The following CNTNAP2 variants were observed in gnomAD, a reference collection of about 807,000 sequenced individuals.
CNTNAP2 encodes contactin associated protein 2, also known as contactin-associated protein-like 2.
Under a neutral mutation model 155.2 loss-of-function variants are expected in CNTNAP2, and 98 were observed. That is an observed-to-expected ratio of 0.63 (90% CI 0.54 to 0.75). CNTNAP2 has a LOEUF of 0.75. Ranked by LOEUF, CNTNAP2 falls within the 30% of genes least tolerant of loss-of-function variation. CNTNAP2 has a pLI of 0.00. For synonymous variants in CNTNAP2, 651 were observed against 631.2 expected, an observed-to-expected ratio of 1.03 and a Z score of -0.47; for missense variants, 1,727 against 1,688.1, an observed-to-expected ratio of 1.02 and a Z score of -0.40.
chr7:147,405,299 C>T (rs1431834437), intron 10 of CNTNAP2, among the ~76,000 whole-genome samples: 2 of 152,116 alleles, frequency 1.3e-5, no homozygotes, highest in Non-Finnish European at 2.9e-5. Context: ...GATTTTAAAA[C>T]ATTTAAAATA....
At chr7:146,623,273 CT>C (rs1799363814) in intron 1 of CNTNAP2, among the ~76,000 whole-genome samples, 1 of 152,142 alleles carries the variant, frequency 6.6e-6, no homozygotes, top group Non-Finnish European at 1.5e-5. Context: ...GTGATCCTGA[CT>C]TCCTGCATAC....
At chr7:147,841,593 T>C (rs554101022) in intron 13 of CNTNAP2, among the ~76,000 whole-genome samples, 3 of 152,298 alleles carry the variant, frequency 2.0e-5, no homozygotes, top group African/African-American at 7.2e-5. Context: ...GTTATTCACA[T>C]TTCTAGCTCA....
intron 8 of CNTNAP2, among the ~76,000 whole-genome samples, chr7:147,175,894 T>A (rs138627911): frequency 2.4e-3 from 369 of 152,284 alleles, no homozygotes; most frequent in Non-Finnish European, 4.5e-3. Context: ...TTTATCAAAC[T>A]TCCCCCCTCT....
chr7:146,792,753 A>G (rs1541512), intron 2 of CNTNAP2, among the ~76,000 whole-genome samples: 71,215 of 152,046 alleles, frequency 0.47, 19,530 homozygotes, highest in African/African-American at 0.76. Context: ...AGTGTCCCCA[A>G]CCATAAATTT....
Position 147,359,883 on chromosome 7 carries a change from C to T in CNTNAP2, c.1499-35726C>T, listed in dbSNP as rs74435108. 7.0e-3 allele frequency among the ~76,000 whole-genome samples: 1,059 copies of T among 152,208 alleles called. 40 individuals are homozygous for T. In the East Asian group the frequency reaches 0.09, roughly 13 times the overall value. ...ATTTTTTCATCCAAAACTCTTACCT[C>T]TCCTAATATGATATGTTCTTTATTC... On this transcript the variant is annotated intron_variant, in intron 9 of 23. Transcript: ENST00000361727.
At chr7:148,251,853 A>G (rs904510990) in intron 20 of CNTNAP2, among the ~76,000 whole-genome samples, 1 of 152,172 alleles carries the variant, frequency 6.6e-6, no homozygotes, top group African/African-American at 2.4e-5. Flanking sequence ...CATTGCTTGG[A>G]GGAGTGTGCA....
At position 147,703,065 on chromosome 7, in the gene CNTNAP2, C is replaced by T. The variant is rs371550132; in HGVS notation, c.2098+63759C>T. 7.9e-5 allele frequency among the ~76,000 whole-genome samples: 12 copies of T among 152,264 alleles called. 2 individuals are homozygous for T. Among genetic ancestry groups the T allele is most frequent in the African/African-American group, 2.6e-4 (11 of 41,552 alleles). On this transcript the variant is annotated intron_variant, in intron 13 of 23. Transcript: ENST00000361727. ...CCCTGGCTGCCTCCCACACTTGAGGCGCATAGCAAGCCTGTCCTCTTCAGT... is the reference window on the plus strand; with the variant it reads ...CCCTGGCTGCCTCCCACACTTGAGGTGCATAGCAAGCCTGTCCTCTTCAGT...
intron 3 of CNTNAP2, among the ~76,000 whole-genome samples, chr7:146,933,919 A>G (rs1000687965): frequency 2.6e-5 from 4 of 151,726 alleles, no homozygotes; most frequent in African/African-American, 9.7e-5. Context: ...TAGAATGGCA[A>G]TCATTAAAAA....
intron 11 of CNTNAP2, among the ~76,000 whole-genome samples, chr7:147,529,018 A>C (rs911212223): frequency 2.0e-5 from 3 of 152,246 alleles, no homozygotes; most frequent in Non-Finnish European, 4.4e-5. Flanking sequence ...TGTGTAAAAA[A>C]GTTATGCTAA....
At chr7:146,825,718 T>C (rs1585109463) in intron 2 of CNTNAP2, among the ~76,000 whole-genome samples, 1 of 152,212 alleles carries the variant, frequency 6.6e-6, no homozygotes, top group African/African-American at 2.4e-5. Context: ...CTGTCTCAAT[T>C]GTCATGAGAT....
intron 21 of CNTNAP2, among the ~76,000 whole-genome samples, chr7:148,330,985 G>A (rs1347762859): frequency 2.0e-5 from 3 of 148,650 alleles, no homozygotes; most frequent in African/African-American, 7.5e-5. Flanking sequence ...TAGATGGATG[G>A]AATGAACGCA....
chr7:147,992,451 G>A (rs930658519), intron 15 of CNTNAP2, among the ~76,000 whole-genome samples: 7 of 152,010 alleles, frequency 4.6e-5, no homozygotes, highest in Admixed American at 6.6e-5. Context: ...TTCAAAAGTC[G>A]CCATGTGTAT....
intron 19 of CNTNAP2, among the ~76,000 whole-genome samples, chr7:148,226,552 G>A (rs956576526): frequency 6.6e-6 from 1 of 152,168 alleles, no homozygotes. Flanking sequence ...TTGGGCAAGC[G>A]GGCCCAAGCA....
At chr7:147,727,486 A>G (rs957260883) in intron 13 of CNTNAP2, among the ~76,000 whole-genome samples, 5 of 152,032 alleles carry the variant, frequency 3.3e-5, no homozygotes, top group African/African-American at 9.7e-5. Context: ...ACATTTAATT[A>G]TCTTACTGTT....
chr7:146,507,999 C>T (rs1448352285), intron 1 of CNTNAP2, among the ~76,000 whole-genome samples: 2 of 152,182 alleles, frequency 1.3e-5, no homozygotes, highest in African/African-American at 4.8e-5. Flanking sequence ...AGTGATCCAT[C>T]AAATCCGTGA....
Position 148,123,633 on chromosome 7 carries a change from CAGGAAGGAAGGAAGGAAGGAAGGA to C in CNTNAP2, c.2554+5375_2554+5398del, listed in dbSNP as rs35150868. Among the ~76,000 whole-genome samples the C allele has an allele frequency of 1.9e-3, 227 of 118,414 alleles. 3 individuals are homozygous for C. Among genetic ancestry groups the C allele is most frequent in the African/African-American group, 7.1e-3 (212 of 29,764 alleles). 77.7% of individuals were successfully genotyped at this position (118,414 alleles called of 152,430 possible). ...AGGAAGGGAGACAAGGAAGGGAGAG[CAGGAAGGAAGGAAGGAAGGAAGGA>C]AGGAAGGAAGGAAGGAAGGAAGGAA... On this transcript the variant is annotated intron_variant, in intron 16 of 23. Transcript: ENST00000361727.
intron 1 of CNTNAP2, among the ~76,000 whole-genome samples, chr7:146,356,885 G>T (rs757488276): frequency 1.2e-4 from 19 of 152,002 alleles, no homozygotes; most frequent in Non-Finnish European, 2.6e-4. Flanking sequence ...CAACCTGGGA[G>T]CCCACTGTAA....
At chr7:146,569,876 TG>T (rs775612054) in intron 1 of CNTNAP2, among the ~76,000 whole-genome samples, 1 of 152,220 alleles carries the variant, frequency 6.6e-6, no homozygotes, top group African/African-American at 2.4e-5. Context: ...GTTAATGAGA[TG>T]GCCTCACAAG....
At chr7:146,601,473 T>A (rs972664864) in intron 1 of CNTNAP2, among the ~76,000 whole-genome samples, 5 of 152,118 alleles carry the variant, frequency 3.3e-5, no homozygotes, top group African/African-American at 9.7e-5. Flanking sequence ...TAATTATGTT[T>A]ACTTGTAAGT....
Sources: allele counts gnomAD v4.1 joint callset (sites outside exome capture counted in the v4.1 genomes callset), GRCh38; gene constraint gnomAD v4.1.1; transcripts MANE v1.5; gene names NCBI Gene and HGNC (gene_info 2026-07-23, HGNC 2026-07-21).